The following RFTN1 variants were observed in gnomAD, a reference collection of about 807,000 sequenced individuals.
RFTN1 encodes the protein raftlin, lipid raft linker 1.
A neutral mutation model predicts 46.5 loss-of-function variants in RFTN1; 26 were observed. The observed-to-expected ratio is 0.56, with a 90% CI of 0.41 to 0.78. RFTN1 has a LOEUF of 0.78. RFTN1 is among the 30% of genes least tolerant of loss of function. The pLI is 0.00. For synonymous variants in RFTN1, 261 were observed against 284.2 expected, an observed-to-expected ratio of 0.92 and a Z score of 0.82; for missense variants, 693 against 718.7, an observed-to-expected ratio of 0.96 and a Z score of 0.41.
rs2071744609 is a variant in RFTN1 at position 16,346,704 on chromosome 3, T to A, written c.1146+11228A>T. Among the ~76,000 whole-genome samples the A allele has an allele frequency of 6.6e-6, 1 of 152,186 alleles. No homozygotes were observed. The highest frequency in any genetic ancestry group is 1.5e-5 in the Non-Finnish European group (1 of 68,030). ...CTCTGTTGTGGGTTTCTGGGAAAGC[T>A]TTTACTTGCTAATAAAAAGGGACGT... On this transcript the variant is annotated intron_variant, in intron 7 of 9. Coordinates refer to ENST00000334133, the MANE Select transcript of RFTN1 (RefSeq NM_015150.2). This position sits in a 1 kb window ranked among gnomAD's most constrained non-coding sequence, Gnocchi z 4.4.
rs941387179 is a variant in RFTN1 at position 16,336,213 on chromosome 3, G to A, written c.1147-9337C>T. ...CCACGTGGCCCTCAGGATGCTAAAG[G>A]GCAGGGCTATGCCTGGTATCACTGT... On this transcript the variant is annotated intron_variant, in intron 7 of 9. Transcript: ENST00000334133. The surrounding 1 kb of genome is among the most constrained non-coding windows in gnomAD (Gnocchi z 6.0). 6.6e-6 allele frequency among the ~76,000 whole-genome samples: 1 copy of A among 152,244 alleles called. No homozygotes were observed. The highest frequency in any genetic ancestry group is 1.5e-5 in the Non-Finnish European group (1 of 68,040).
In RFTN1 at chr3:16,449,148, G is replaced by A. The variant is rs1049392164; in HGVS notation, c.146-15111C>T. ...ATCTGAAATCCCCACAAATTCATAC[G>A]AAATGAGTAGGATTATTACTTTGTT... On this transcript the variant is annotated intron_variant, in intron 2 of 9. Coordinates refer to ENST00000334133, the MANE Select transcript of RFTN1 (RefSeq NM_015150.2). This position sits in a 1 kb window ranked among gnomAD's most constrained non-coding sequence, Gnocchi z 5.1. Among the ~76,000 whole-genome samples, 3 of 152,188 alleles carry A rather than the reference G, an allele frequency of 2.0e-5. No homozygotes were observed. Among genetic ancestry groups the A allele is most frequent in the Non-Finnish European group, 2.9e-5 (2 of 68,040 alleles).
Position 16,400,720 on chromosome 3 carries a change from C to G in RFTN1, c.441+8655G>C, listed in dbSNP as rs1412084170. 6.6e-6 allele frequency among the ~76,000 whole-genome samples: 1 copy of G among 152,112 alleles called. No homozygotes were observed. The highest frequency in any genetic ancestry group is 2.1e-4 in the South Asian group (1 of 4,824). ...TCCCTCCGGCTTAAATTAACTTCAG[C>G]GAACCTCTCTGGACAGAACAGGAAG... On this transcript the variant is annotated intron_variant, in intron 4 of 9. Coordinates refer to ENST00000334133, the MANE Select transcript of RFTN1 (RefSeq NM_015150.2). The surrounding 1 kb of genome is among the most constrained non-coding windows in gnomAD (Gnocchi z 4.5).
At chr3:16,325,799 A>G (rs2069630216) in intron 8 of RFTN1, among the ~76,000 whole-genome samples, 1 of 152,202 alleles carries the variant, frequency 6.6e-6, no homozygotes, top group Admixed American at 6.5e-5. Context: ...ATCAGTTGTC[A>G]CCATGATTCT....
chr3:16,454,034 G>A (rs544259512), intron 2 of RFTN1, among the ~76,000 whole-genome samples: 1 of 152,272 alleles, frequency 6.6e-6, no homozygotes, highest in South Asian at 2.1e-4. Flanking sequence ...GGGTGAACAG[G>A]ACATGATGCC....
rs2075260010 is a variant in RFTN1 at position 16,424,843 on chromosome 3, C to T, written c.332+9008G>A. Among the ~76,000 whole-genome samples the T allele has an allele frequency of 6.6e-6, 1 of 152,170 alleles. No individual in the cohort carries two copies. The highest frequency in any genetic ancestry group is 2.4e-5 in the African/African-American group (1 of 41,438). ...TCTAAACATTATATCTCACCTACTT[C>T]TGCATTCATATCTAAAAGTGTAAAA... On this transcript the variant is annotated intron_variant, in intron 3 of 9. Coordinates refer to ENST00000334133, the MANE Select transcript of RFTN1 (RefSeq NM_015150.2). The surrounding 1 kb of genome is among the most constrained non-coding windows in gnomAD (Gnocchi z 4.7).
intron 2 of RFTN1, among the ~76,000 whole-genome samples, chr3:16,486,164 A>C: frequency 6.7e-6 from 1 of 149,804 alleles, no homozygotes. Context: ...TCTTTCCCCC[A>C]CTCCTTTTCT....
In RFTN1 at chr3:16,315,980, A is replaced by G. The variant is rs920485746; in HGVS notation, c.*848T>C. On this transcript the variant is annotated 3_prime_UTR_variant, in exon 10 of 10. Transcript: ENST00000334133. ...AGTTGCATCTACCTAAAGCCTTAAT[A>G]CTTTCTGGACGATATACACATGATA... 6.6e-6 allele frequency: 1 copy of G among 152,188 alleles called. No individual in the cohort carries two copies. The highest frequency in any genetic ancestry group is 6.5e-5 in the Admixed American group (1 of 15,284). The allele number at this position is 152,188 out of a possible 1,614,324, so 9.4% of individuals were successfully genotyped here.
chr3:16,325,027 G>A (rs1292633763), intron 8 of RFTN1, among the ~76,000 whole-genome samples: 1 of 151,950 alleles, frequency 6.6e-6, no homozygotes, highest in Admixed American at 6.6e-5. Flanking sequence ...TCTCACTGTG[G>A]TTTTAATTTG....
intron 2 of RFTN1, among the ~76,000 whole-genome samples, chr3:16,488,110 T>A (rs1420779608): frequency 1.3e-5 from 2 of 151,614 alleles, no homozygotes; most frequent in East Asian, 1.9e-4. Flanking sequence ...CTTTTTTTTT[T>A]TTTTTTTTTG....
At chr3:16,331,280 C>T (rs569386052) in intron 7 of RFTN1, among the ~76,000 whole-genome samples, 1 of 152,324 alleles carries the variant, frequency 6.6e-6, no homozygotes, top group Admixed American at 6.5e-5. Context: ...TTATACTACT[C>T]TTATTTTACT....
rs1446508670 is a variant in RFTN1 at position 16,376,989 on chromosome 3, C to T, written c.826+729G>A. Among the ~76,000 whole-genome samples, 1 of 152,024 alleles carries T rather than the reference C, an allele frequency of 6.6e-6. No homozygotes were observed. The highest frequency in any genetic ancestry group is 1.5e-5 in the Non-Finnish European group (1 of 67,966). On this transcript the variant is annotated intron_variant, in intron 5 of 9. Coordinates refer to ENST00000334133, the MANE Select transcript of RFTN1 (RefSeq NM_015150.2). The surrounding 1 kb of genome is among the most constrained non-coding windows in gnomAD (Gnocchi z 4.7). ...TGGGGGTCTTCTGTTAGTTTTCATA[C>T]TTGTTCTTACTTACATGGCTTATGT...
At chr3:16,397,843 G>C (rs2074505612) in intron 4 of RFTN1, among the ~76,000 whole-genome samples, 1 of 152,032 alleles carries the variant, frequency 6.6e-6, no homozygotes, top group Non-Finnish European at 1.5e-5. Context: ...GCGGTATTTG[G>C]AGAGGAGGAA....
At chr3:16,411,100 G>A (rs552180762) in intron 3 of RFTN1, among the ~76,000 whole-genome samples, 1 of 152,230 alleles carries the variant, frequency 6.6e-6, no homozygotes, top group South Asian at 2.1e-4. Flanking sequence ...GTGGAGGAGG[G>A]AGCAGAGCCC....
chr3:16,325,854 C>T (rs2069635237), intron 8 of RFTN1, among the ~76,000 whole-genome samples: 1 of 152,230 alleles, frequency 6.6e-6, no homozygotes, highest in South Asian at 2.1e-4. Context: ...CCATGCTGTC[C>T]ATCACTCTGC....
intron 6 of RFTN1, among the ~76,000 whole-genome samples, chr3:16,366,762 C>G (rs1238301686): frequency 1.3e-5 from 2 of 152,214 alleles, no homozygotes; most frequent in African/African-American, 4.8e-5. Flanking sequence ...GAAGTCAATG[C>G]TAAGTTTGAA....
rs1000804109 is a variant in RFTN1 at position 16,361,817 on chromosome 3, A to G, written c.1031-3770T>C. Among the ~76,000 whole-genome samples, 2 of 152,202 alleles carry G rather than the reference A, an allele frequency of 1.3e-5. No individual in the cohort carries two copies. Among genetic ancestry groups the G allele is most frequent in the African/African-American group, 4.8e-5 (2 of 41,452 alleles). On this transcript the variant is annotated intron_variant, in intron 6 of 9. Transcript: ENST00000334133. This position sits in a 1 kb window ranked among gnomAD's most constrained non-coding sequence, Gnocchi z 4.3. ...GAACTTGGCCTCTTGTGTCTTGGCC[A>G]TTACATTGAGAGGGCATGCCCCAGT...
chr3:16,394,363 G>A (rs2074420661), intron 4 of RFTN1, among the ~76,000 whole-genome samples: 1 of 152,100 alleles, frequency 6.6e-6, no homozygotes, highest in Non-Finnish European at 1.5e-5. Context: ...GCAACACAGT[G>A]AGACCCTGTC....
Position 16,441,374 on chromosome 3 carries a change from T to G in RFTN1, c.146-7337A>C, listed in dbSNP as rs541601480. ...AAACATAATCCACAAAACCACACATTTCTTAACACTCCTGGGATAAAGTAA... is the reference window on the plus strand; with the variant it reads ...AAACATAATCCACAAAACCACACATGTCTTAACACTCCTGGGATAAAGTAA... On this transcript the variant is annotated intron_variant, in intron 2 of 9. Coordinates refer to ENST00000334133, the MANE Select transcript of RFTN1 (RefSeq NM_015150.2). Among the ~76,000 whole-genome samples the G allele has an allele frequency of 2.5e-4, 38 of 151,862 alleles. No homozygotes were observed. In the South Asian group the frequency reaches 4.0e-3, roughly 16 times the overall value.
Sources: gnomAD v4.1 joint callset for allele counts (sites outside exome capture counted in the v4.1 genomes callset) on GRCh38, gnomAD v4.1.1 for gene constraint, Gnocchi (gnomAD v3.1) non-coding constraint, MANE v1.5 for transcripts, NCBI Gene and HGNC (gene_info 2026-07-23, HGNC 2026-07-21) for gene names.